The following PDE4D variants were observed in gnomAD, a reference collection of about 807,000 sequenced individuals.
The protein encoded by PDE4D is 3',5'-cyclic-AMP phosphodiesterase 4D.
A neutral mutation model predicts 87.4 loss-of-function variants in PDE4D; 24 were observed. That is an observed-to-expected ratio of 0.27 (90% CI 0.20 to 0.39). The LOEUF (loss-of-function observed/expected upper bound fraction) is 0.39. Among genes scored for constraint, PDE4D ranks in the 10% least tolerant of loss-of-function variants. PDE4D has a pLI of 1.00. For synonymous variants in PDE4D, 384 were observed against 383.2 expected (o/e 1.00, Z -0.02); for missense variants, 714 against 1,041.0 (o/e 0.69, Z 4.32).
At chr5:59,315,939 A>G (rs1359183503) in intron 1 of PDE4D, among the ~76,000 whole-genome samples, 1 of 152,170 alleles carries the variant, frequency 6.6e-6, no homozygotes, top group Non-Finnish European at 1.5e-5. Context: ...ACTTTATAAG[A>G]GTCCTGAGCC....
At chr5:60,110,241 A>G (rs145756370) in intron 2 of PDE4D, among the ~76,000 whole-genome samples, 42 of 152,272 alleles carry the variant, frequency 2.8e-4, no homozygotes, top group African/African-American at 9.6e-4. Context: ...GACAACCTGT[A>G]GAATGGGAGA....
intron 2 of PDE4D, among the ~76,000 whole-genome samples, chr5:60,141,645 C>T (rs951070186): frequency 2.0e-5 from 3 of 152,126 alleles, no homozygotes; most frequent in Non-Finnish European, 4.4e-5. Flanking sequence ...TCACCCTTTT[C>T]AGAATTCCTG....
At chr5:59,678,812 G>A (rs1041932016) in intron 1 of PDE4D, among the ~76,000 whole-genome samples, 37 of 152,072 alleles carry the variant, frequency 2.4e-4, no homozygotes, top group African/African-American at 8.2e-4. Flanking sequence ...ACTCATTGAC[G>A]GTCAAAATAC....
intron 5 of PDE4D, among the ~76,000 whole-genome samples, chr5:59,042,747 C>T (rs1274744125): frequency 6.6e-6 from 1 of 152,136 alleles, no homozygotes; most frequent in Non-Finnish European, 1.5e-5. Context: ...ATGTAACACC[C>T]GCATTCTGCT....
At chr5:59,380,996 G>A (rs1056394043) in intron 1 of PDE4D, among the ~76,000 whole-genome samples, 1 of 152,074 alleles carries the variant, frequency 6.6e-6, no homozygotes, top group African/African-American at 2.4e-5. Context: ...AGTTCTTGTG[G>A]CCCCAAAAGG....
At chr5:59,035,116 A>C (rs1758276095) in intron 6 of PDE4D, among the ~76,000 whole-genome samples, 1 of 152,228 alleles carries the variant, frequency 6.6e-6, no homozygotes, top group Non-Finnish European at 1.5e-5. Context: ...CCATGAGAGA[A>C]AGGTAACCAA....
Position 59,053,362 on chromosome 5 carries a change from TACACACACACACACACACACACAC to T in PDE4D, c.809-14415_809-14392del, listed in dbSNP as rs57805618. Among the ~76,000 whole-genome samples, 3 of 142,072 alleles carry T rather than the reference TACACACACACACACACACACACAC, an allele frequency of 2.1e-5. No individual in the cohort carries two copies. The Admixed American group carries it at 2.1e-4, about 10-fold the overall frequency. 93.2% of individuals were successfully genotyped at this position (142,072 alleles called of 152,430 possible). ...TGTCTGAAAACATAATGGGTGTACA[TACACACACACACACACACACACAC>T]ACACACACACACACACACACAATCT... On this transcript the variant is annotated intron_variant, in intron 5 of 14. Coordinates refer to ENST00000340635, the MANE Select transcript of PDE4D (RefSeq NM_001104631.2).
In PDE4D at chr5:60,308,870, C is replaced by A. The variant is rs1754743989; in HGVS notation, c.-89-123183G>T. On this transcript the variant is annotated intron_variant, in intron 1 of 16. Transcript: ENST00000502484. ...TTTTTCCAGATAACAAACTTGCCCC[C>A]CGCCCACCACCATTTCCCCCAGATA... Among the ~76,000 whole-genome samples, 6 of 152,108 alleles carry A rather than the reference C, an allele frequency of 3.9e-5. No individual in the cohort carries two copies. The South Asian group carries it at 1.0e-3, about 26-fold the overall frequency.
chr5:59,774,922 T>C (rs1489581811), intron 1 of PDE4D, among the ~76,000 whole-genome samples: 1 of 152,134 alleles, frequency 6.6e-6, no homozygotes, highest in Non-Finnish European at 1.5e-5. Context: ...CTCAAACTCC[T>C]GACCTCAAGT....
At position 59,195,761 on chromosome 5, in the gene PDE4D, T is replaced by C. The variant is rs142299815; in HGVS notation, c.648-2225A>G. 5.3e-5 allele frequency among the ~76,000 whole-genome samples: 8 copies of C among 152,338 alleles called. No homozygotes were observed. In the East Asian group the frequency reaches 1.5e-3, roughly 29 times the overall value. On this transcript the variant is annotated intron_variant, in intron 2 of 14. Coordinates refer to ENST00000340635, the MANE Select transcript of PDE4D (RefSeq NM_001104631.2). Reference sequence around the variant, plus strand: ...ATTAATAATGTTAAGTGCTGAAAAATGTGCTTACCACACAGTAAATGTTCA... The same window carrying C: ...ATTAATAATGTTAAGTGCTGAAAAACGTGCTTACCACACAGTAAATGTTCA...
chr5:59,475,781 G>A (rs1419285136), intron 1 of PDE4D, among the ~76,000 whole-genome samples: 1 of 152,002 alleles, frequency 6.6e-6, no homozygotes, highest in Non-Finnish European at 1.5e-5. Context: ...GTTGACTGCT[G>A]TATGCCTCAA....
In PDE4D at chr5:59,199,475, A is replaced by G. The variant is rs137920035; in HGVS notation, c.648-5939T>C. 9.9e-5 allele frequency among the ~76,000 whole-genome samples: 15 copies of G among 152,258 alleles called. No individual in the cohort carries two copies. The East Asian group carries it at 1.7e-3, about 18-fold the overall frequency. On this transcript the variant is annotated intron_variant, in intron 2 of 14. Coordinates refer to ENST00000340635, the MANE Select transcript of PDE4D (RefSeq NM_001104631.2). ...AGATATTCTCCTCTGAAGTTTGTCA[A>G]TAGGATTAGGAAATTGATAAACATA...
chr5:59,912,854 A>G lies in PDE4D; in HGVS notation c.272+75634T>C, dbSNP rs138777788. 1.4e-4 allele frequency among the ~76,000 whole-genome samples: 22 copies of G among 152,372 alleles called. No individual in the cohort carries two copies. The East Asian group carries it at 4.0e-3, about 28-fold the overall frequency. ...TAATAAATCTAAAAACAAACACTTC[A>G]GAAAGGAAATAGTGAGGCATGTTAT... is the stretch of plus-strand genomic sequence containing the variant. On this transcript the variant is annotated intron_variant, in intron 3 of 16. Coordinates refer to the PDE4D transcript ENST00000502484.
intron 3 of PDE4D, among the ~76,000 whole-genome samples, chr5:59,930,385 A>G (rs1468598149): frequency 6.6e-6 from 1 of 152,126 alleles, no homozygotes; most frequent in Non-Finnish European, 1.5e-5. Context: ...AAGACCATGT[A>G]CTGATGGAGA....
chr5:60,009,177 T>TA (rs879272489), intron 2 of PDE4D, among the ~76,000 whole-genome samples: 2 of 152,050 alleles, frequency 1.3e-5, no homozygotes, highest in Non-Finnish European at 2.9e-5. Flanking sequence ...GGAAGGTTTT[T>TA]ATCAAACGTT....
At chr5:59,157,073 G>A in intron 5 of PDE4D, 1 of 372,752 alleles carries the variant, frequency 2.7e-6, no homozygotes, top group Admixed American at 4.6e-5. Context: ...GTAAGGTCAA[G>A]CAAAGACTTC....
At chr5:60,042,736 A>G (rs1406533399) in intron 2 of PDE4D, among the ~76,000 whole-genome samples, 1 of 152,178 alleles carries the variant, frequency 6.6e-6, no homozygotes, top group Non-Finnish European at 1.5e-5. Flanking sequence ...TAACAAACAG[A>G]AAGGAGTAGC....
At chr5:59,554,011 C>A (rs2153688918) in intron 1 of PDE4D, among the ~76,000 whole-genome samples, 1 of 152,258 alleles carries the variant, frequency 6.6e-6, no homozygotes, top group South Asian at 2.1e-4. Context: ...TACACATTAG[C>A]TTTCTTCCTC....
intron 1 of PDE4D, among the ~76,000 whole-genome samples, chr5:60,482,670 C>T (rs1748823832): frequency 6.6e-6 from 1 of 152,200 alleles, no homozygotes; most frequent in South Asian, 2.1e-4. Context: ...ATAAACTTCT[C>T]AGTTAAGTCA....
Sources: gnomAD v4.1 joint callset for allele counts (sites outside exome capture counted in the v4.1 genomes callset) on GRCh38, gnomAD v4.1.1 for gene constraint, MANE v1.5 for transcripts, NCBI Gene and HGNC (gene_info 2026-07-23, HGNC 2026-07-21) for gene names.